The following NCKAP5 variants were observed in gnomAD, a reference collection of about 807,000 sequenced individuals.
NCKAP5 encodes the protein NCK associated protein 5.
Under a neutral mutation model 167.0 loss-of-function variants are expected in NCKAP5, and 92 were observed. The ratio of observed to expected loss-of-function variants is 0.55; its 90% CI spans 0.47 to 0.66. The LOEUF (loss-of-function observed/expected upper bound fraction) is 0.66, where lower values mean the gene tolerates loss of function less well. Among genes scored for constraint, NCKAP5 ranks in the 30% least tolerant of loss-of-function variants. The pLI is 0.00. For synonymous variants in NCKAP5, 891 were observed against 877.4 expected (o/e 1.02, Z -0.27); for missense variants, 2,378 against 2,315.0 (o/e 1.03, Z -0.56).
At chr2:133,518,440 C>T (rs1410879432) in intron 2 of NCKAP5, among the ~76,000 whole-genome samples, 3 of 142,644 alleles carry the variant, frequency 2.1e-5, no homozygotes, top group Admixed American at 1.5e-4. Context: ...CTGCAAGCTC[C>T]GCCTCCCTGG....
chr2:133,098,295 G>A (rs1273918421), intron 6 of NCKAP5, among the ~76,000 whole-genome samples: 2 of 152,158 alleles, frequency 1.3e-5, no homozygotes, highest in African/African-American at 2.4e-5. Flanking sequence ...AATTGCATTA[G>A]GGTTTTTGGC....
intron 3 of NCKAP5, among the ~76,000 whole-genome samples, chr2:133,434,078 C>A (rs910103034): frequency 6.6e-6 from 1 of 152,110 alleles, no homozygotes; most frequent in Non-Finnish European, 1.5e-5. Context: ...TTGTTCCAGA[C>A]ACTCATTGCT....
At chr2:133,628,826 A>G in the NCKAP5 span, among the ~76,000 whole-genome samples, 1 of 152,216 alleles carries the variant, frequency 6.6e-6, no homozygotes, top group Non-Finnish European at 1.5e-5. Flanking sequence ...ACTCAGAAAT[A>G]AGACCACACA....
In NCKAP5 at chr2:133,303,074, G is replaced by T. The variant is rs749353585; in HGVS notation, c.106C>A (p.Leu36Met). The T allele has an allele frequency of 6.3e-7, 1 of 1,598,502 alleles. No homozygotes were observed. The change falls in exon 4 of 20, where the codon CTG becomes ATG. Residue 36 changes from leucine to methionine, a missense_variant. By Grantham distance (15) the Leu-to-Met change is conservative. Around this residue, in one of 3 missense-constraint regions of NCKAP5, gnomAD observed 1,049 missense variants for 1,023.4 expected, o/e 1.02. Coordinates refer to ENST00000409261, the MANE Select transcript of NCKAP5 (RefSeq NM_207363.3). ...CTGTGTTGCTCCTCAAGCTGAGTCA[G>T]CAGATGCTCAATGTATTTATTGGAG... The part of the protein sequence containing the change: ...MDSNKYIEHL[L>M]TQLEEQHRSL...
chr2:133,413,433 G>T (rs1034345515), intron 3 of NCKAP5, among the ~76,000 whole-genome samples: 36 of 152,198 alleles, frequency 2.4e-4, no homozygotes, highest in African/African-American at 8.7e-4. Context: ...GAGTTTAAAA[G>T]GAATGAACTG....
rs1182602999 is a variant in NCKAP5, at chr2:132,783,253, G to T, written c.3558C>A (p.Asn1186Lys). ...NEASKSSVAVNKSKPEDSKNP... is the reference protein window; with the variant it reads ...NEASKSSVAVKKSKPEDSKNP... ...TCTTGGAGTCCTCTGGCTTAGACTT[G>T]TTCACAGCCACGGAACTTTTGGAGG... Residue 1186 changes from asparagine to lysine, a missense_variant, in exon 14 of 20, where the codon AAC (asparagine) becomes AAA (lysine). Asn to Lys is a moderately conservative substitution (Grantham distance 94, BLOSUM62 0). Transcript: ENST00000409261. 1 of 1,613,818 alleles carries T rather than the reference G, an allele frequency of 6.2e-7. No individual in the cohort carries two copies. Among genetic ancestry groups the T allele is most frequent in the Non-Finnish European group, 8.5e-7 (1 of 1,179,894 alleles).
Position 132,796,654 on chromosome 2 carries a change from G to T in NCKAP5, c.883C>A (p.Gln295Lys). The T allele has an allele frequency of 1.9e-6, 3 of 1,613,272 alleles. No homozygotes were observed. Among genetic ancestry groups the T allele is most frequent in the Non-Finnish European group, 2.5e-6 (3 of 1,179,584 alleles). The change falls in exon 12 of 20, where the codon CAG (glutamine) becomes AAG (lysine). Residue 295 changes from glutamine to lysine, a missense_variant. Transcript: ENST00000409261. ...SEVERNRSLTQSRTDAEVHEH... is the reference protein window; with the variant it reads ...SEVERNRSLTKSRTDAEVHEH... ...TGCACCTCAGCATCAGTTCGTGACT[G>T]TGTCAGACTTCGGTTTCTTTCCACC...
At chr2:133,587,946 A>T in the NCKAP5 span, among the ~76,000 whole-genome samples, 2 of 152,196 alleles carry the variant, frequency 1.3e-5, no homozygotes, top group South Asian at 2.1e-4. Flanking sequence ...ACCAGGATTT[A>T]TGACCCATCA....
Position 132,814,508 on chromosome 2 carries a change from C to T in NCKAP5, c.808-17779G>A, listed in dbSNP as rs566013328. The stretch of plus-strand genomic sequence containing the variant: ...TTTCTTGGCAAATGGCAGTTTCCAG[C>T]TAATACACAGGATTCATCAAGTCAA... On this transcript the variant is annotated intron_variant, in intron 11 of 19. Coordinates refer to ENST00000409261, the MANE Select transcript of NCKAP5 (RefSeq NM_207363.3). 1.4e-3 allele frequency among the ~76,000 whole-genome samples: 214 copies of T among 152,278 alleles called. 1 individual carries two copies. The highest frequency in any genetic ancestry group is 4.9e-3 in the African/African-American group (203 of 41,550).
chr2:133,071,014 C>T (rs913061293), intron 6 of NCKAP5, among the ~76,000 whole-genome samples: 6 of 152,020 alleles, frequency 3.9e-5, no homozygotes, highest in Non-Finnish European at 8.8e-5. Context: ...CTAGAAGAGT[C>T]AATCATATAT....
At chr2:132,835,388 G>A (rs55757804) in intron 11 of NCKAP5, among the ~76,000 whole-genome samples, 6,211 of 152,116 alleles carry the variant, frequency 0.041, 286 homozygotes, top group East Asian at 0.12. Flanking sequence ...CCCTCTCAGC[G>A]TCTTCTGTGA....
intron 16 of NCKAP5, among the ~76,000 whole-genome samples, chr2:132,761,037 T>TCCTCTTTTTTCCC (rs150477177): frequency 6.6e-6 from 1 of 152,126 alleles, no homozygotes; most frequent in Non-Finnish European, 1.5e-5. Context: ...AACATTTTCC[T>TCCTCTTTTTTCCC]CCTCTTTTTT....
At chr2:132,873,540 A>G (rs993678399) in intron 9 of NCKAP5, among the ~76,000 whole-genome samples, 58 of 152,370 alleles carry the variant, frequency 3.8e-4, no homozygotes, top group African/African-American at 1.3e-3. Context: ...AAGCATCTGT[A>G]TTATTCATTT....
chr2:133,492,384 G>A (rs1028852917), intron 3 of NCKAP5, among the ~76,000 whole-genome samples: 1 of 152,304 alleles, frequency 6.6e-6, no homozygotes, highest in East Asian at 1.9e-4. Context: ...TTGGGAACAG[G>A]AGTGAGGCCA....
At chr2:133,188,615 T>A (rs945029944) in intron 5 of NCKAP5, among the ~76,000 whole-genome samples, 1 of 152,006 alleles carries the variant, frequency 6.6e-6, no homozygotes, top group African/African-American at 2.4e-5. Flanking sequence ...AAACTAGAAC[T>A]CAGGATTAAG....
chr2:133,280,502 G>T (rs917271029), intron 4 of NCKAP5, among the ~76,000 whole-genome samples: 2 of 152,058 alleles, frequency 1.3e-5, no homozygotes, highest in Admixed American at 6.6e-5. Context: ...CACCTCCCAG[G>T]CTCGAGCCAT....
At chr2:132,675,724 C>T (rs1191902356) in intron 19 of NCKAP5, among the ~76,000 whole-genome samples, 1 of 152,026 alleles carries the variant, frequency 6.6e-6, no homozygotes, top group Non-Finnish European at 1.5e-5. Context: ...CATTAAAACA[C>T]TCACTGTCAT....
chr2:132,969,914 A>G (rs72850179), intron 7 of NCKAP5, among the ~76,000 whole-genome samples: 28,802 of 152,216 alleles, frequency 0.19, 3,424 homozygotes, highest in Middle Eastern at 0.27. Context: ...ATCATTTAAG[A>G]TTAATCTTTT....
intron 6 of NCKAP5, among the ~76,000 whole-genome samples, chr2:133,085,540 A>C (rs977059107): frequency 6.6e-6 from 1 of 152,152 alleles, no homozygotes; most frequent in African/African-American, 2.4e-5. Context: ...AATGTTTTTC[A>C]TACTGTTAGA....
Sources: gnomAD v4.1 joint callset for allele counts (sites outside exome capture counted in the v4.1 genomes callset) on GRCh38, gnomAD v4.1.1 for gene constraint, gnomAD v4.1.1 regional missense constraint, MANE v1.5 for transcripts, NCBI Gene and HGNC (gene_info 2026-07-23, HGNC 2026-07-21) for gene names.